Variants in RSBN1L observed in about 807,000 individuals in gnomAD.
The protein encoded by RSBN1L is lysine-specific demethylase RSBN1L.
A neutral mutation model predicts 67.7 loss-of-function variants in RSBN1L; 30 were observed. The ratio of observed to expected loss-of-function variants is 0.44; its 90% CI spans 0.33 to 0.60. RSBN1L has a LOEUF of 0.60. Ranked by LOEUF, RSBN1L falls within the 20% of genes least tolerant of loss-of-function variation. RSBN1L has a pLI of 0.02. For missense variants in RSBN1L, 992 were observed against 1,031.7 expected (o/e 0.96, Z 0.53); for synonymous variants, 433 against 387.0 (o/e 1.12, Z -1.39).
Position 77,779,576 on chromosome 7 carries a change from G to A in RSBN1L, c.*408G>A, listed in dbSNP as rs1356688907. 3 of 151,108 alleles carry A rather than the reference G, an allele frequency of 2.0e-5. No individual in the cohort carries two copies. Among genetic ancestry groups the A allele is most frequent in the African/African-American group, 7.3e-5 (3 of 41,172 alleles). 9.4% of individuals were successfully genotyped at this position (151,108 alleles called of 1,614,324 possible). Reference sequence around the variant, plus strand: ...ATTTTAAATGTGTCAGCACTGTAGTGTAAATAGCTTTTAAATATCTTTTTA... The same window carrying A: ...ATTTTAAATGTGTCAGCACTGTAGTATAAATAGCTTTTAAATATCTTTTTA... On this transcript the variant is annotated 3_prime_UTR_variant, in exon 8 of 8. Coordinates refer to ENST00000334955, the MANE Select transcript of RSBN1L (RefSeq NM_198467.3).
chr7:77,719,123 T>C (rs779985251), intron 1 of RSBN1L, among the ~76,000 whole-genome samples: 1 of 152,218 alleles, frequency 6.6e-6, no homozygotes, highest in Non-Finnish European at 1.5e-5. Context: ...TTTGGAAGTC[T>C]GAACCAATTT....
At chr7:77,701,055 G>A (rs962400702) in intron 1 of RSBN1L, among the ~76,000 whole-genome samples, 5 of 151,346 alleles carry the variant, frequency 3.3e-5, no homozygotes, top group Non-Finnish European at 7.4e-5. Context: ...CTACCTGGGA[G>A]GCTGAGGCAT....
intron 3 of RSBN1L, among the ~76,000 whole-genome samples, chr7:77,760,741 C>G (rs968080770): frequency 6.6e-6 from 1 of 152,128 alleles, no homozygotes; most frequent in Admixed American, 6.5e-5. Flanking sequence ...CAAGCATTCT[C>G]GTGCCTCACT....
Position 77,696,480 on chromosome 7 carries a change from C to G in RSBN1L, c.11C>G (p.Pro4Arg), listed in dbSNP as rs199794430. The G allele has an allele frequency of 2.5e-6, 4 of 1,606,610 alleles. No individual in the cohort carries two copies. The highest frequency in any genetic ancestry group is 1.7e-5 in the Admixed American group (1 of 58,990). The change falls in exon 1 of 8, where the codon CCG becomes CGG. Residue 4 changes from proline to arginine, a missense_variant. This residue lies in a region of RSBN1L where 575 missense variants were observed against 483.2 expected (regional missense o/e 1.19). Coordinates refer to ENST00000334955, the MANE Select transcript of RSBN1L (RefSeq NM_198467.3). The stretch of plus-strand genomic sequence containing the variant: ...CAACAGGAGCGCAAAATGGCGGAAC[C>G]GCCGAGCCCCGTGCACTGTGTCGCT... MAE[P>R]PSPVHCVAAA...
chr7:77,701,546 A>G (rs980039084), intron 1 of RSBN1L, among the ~76,000 whole-genome samples: 2 of 152,064 alleles, frequency 1.3e-5, no homozygotes, highest in Non-Finnish European at 2.9e-5. Flanking sequence ...CTATTCTACT[A>G]TCTGGGGAAT....
chr7:77,734,893 A>G (rs1791313527), intron 1 of RSBN1L, among the ~76,000 whole-genome samples: 1 of 152,168 alleles, frequency 6.6e-6, no homozygotes, highest in African/African-American at 2.4e-5. Flanking sequence ...GGAACACTGT[A>G]ATCTAATTCA....
chr7:77,754,852 G>A (rs1028709159), intron 3 of RSBN1L, among the ~76,000 whole-genome samples: 1 of 152,154 alleles, frequency 6.6e-6, no homozygotes, highest in Non-Finnish European at 1.5e-5. Flanking sequence ...CTGGGCAGCA[G>A]AGTGAGATCC....
chr7:77,707,947 A>G (rs1193159074), intron 1 of RSBN1L, among the ~76,000 whole-genome samples: 2 of 152,234 alleles, frequency 1.3e-5, no homozygotes, highest in Non-Finnish European at 2.9e-5. Context: ...TTAATTAGAT[A>G]TTAGCCTTTC....
chr7:77,697,721 T>C (rs1790758935), intron 1 of RSBN1L, among the ~76,000 whole-genome samples: 1 of 152,216 alleles, frequency 6.6e-6, no homozygotes, highest in South Asian at 2.1e-4. Context: ...ATTCTTTTTT[T>C]CCCTGCAGCA....
rs1003935017 is a variant in RSBN1L at position 77,765,086 on chromosome 7, A to G, written c.1345-409A>G. Among the ~76,000 whole-genome samples, 5 of 152,200 alleles carry G rather than the reference A, an allele frequency of 3.3e-5. 1 individual carries two copies. In the South Asian group the frequency reaches 1.0e-3, roughly 32 times the overall value. Reference sequence around the variant, plus strand: ...ATGGTTAAATGTTTTCAGAGGGTCTAATTTTGAAAATGTTGATGAAAAGAT... The same window carrying G: ...ATGGTTAAATGTTTTCAGAGGGTCTGATTTTGAAAATGTTGATGAAAAGAT... On this transcript the variant is annotated intron_variant, in intron 3 of 7. Coordinates refer to ENST00000334955, the MANE Select transcript of RSBN1L (RefSeq NM_198467.3).
intron 6 of RSBN1L, among the ~76,000 whole-genome samples, chr7:77,776,752 T>C (rs904608313): frequency 6.6e-6 from 1 of 152,176 alleles, no homozygotes; most frequent in Non-Finnish European, 1.5e-5. Context: ...ATTTACATGC[T>C]CTATCTTTTC....
intron 1 of RSBN1L, among the ~76,000 whole-genome samples, chr7:77,735,048 T>C (rs1455950222): frequency 1.3e-5 from 2 of 151,028 alleles, no homozygotes; most frequent in African/African-American, 4.9e-5. Context: ...TGGAGTGTTA[T>C]CACTTGAAAA....
intron 3 of RSBN1L, among the ~76,000 whole-genome samples, chr7:77,753,099 G>T (rs189498439): frequency 4.5e-4 from 69 of 152,244 alleles, no homozygotes; most frequent in Admixed American, 1.4e-3. Flanking sequence ...GGTAGAACAC[G>T]GATGCTATGA....
At chr7:77,702,858 CTTCCTT>C (rs1790836615) in intron 1 of RSBN1L, among the ~76,000 whole-genome samples, 1 of 152,152 alleles carries the variant, frequency 6.6e-6, no homozygotes, top group African/African-American at 2.4e-5. Flanking sequence ...AGAAAAATCT[CTTCCTT>C]TTCTCTTTAT....
intron 1 of RSBN1L, among the ~76,000 whole-genome samples, chr7:77,706,079 TG>T (rs1337942266): frequency 1.3e-5 from 2 of 150,370 alleles, no homozygotes; most frequent in Admixed American, 6.6e-5. Flanking sequence ...TTTTATTTAA[TG>T]TTTTTTTTTT....
intron 1 of RSBN1L, among the ~76,000 whole-genome samples, chr7:77,716,597 A>C (rs955336765): frequency 8.0e-6 from 1 of 124,364 alleles, no homozygotes; most frequent in Non-Finnish European, 1.7e-5. Context: ...TTATCTTTGT[A>C]CTTAAAAGCT....
At chr7:77,735,730 A>T (rs1791325559) in intron 1 of RSBN1L, among the ~76,000 whole-genome samples, 2 of 152,106 alleles carry the variant, frequency 1.3e-5, no homozygotes, top group Non-Finnish European at 2.9e-5. Context: ...TGCTGGGTGC[A>T]TAGGAAGTCA....
intron 2 of RSBN1L, among the ~76,000 whole-genome samples, chr7:77,747,568 G>A (rs952043380): frequency 2.6e-5 from 4 of 152,238 alleles, no homozygotes; most frequent in Non-Finnish European, 5.9e-5. Context: ...GTGGCTCTAT[G>A]TGGTATTAAG....
intron 2 of RSBN1L, among the ~76,000 whole-genome samples, chr7:77,745,914 A>G (rs1260605273): frequency 1.3e-5 from 2 of 152,190 alleles, no homozygotes; most frequent in Non-Finnish European, 2.9e-5. Context: ...GATTCCTCAC[A>G]TGCATGGTTC....
Sources: allele counts gnomAD v4.1 joint callset (sites outside exome capture counted in the v4.1 genomes callset), GRCh38; gene constraint gnomAD v4.1.1; regional missense constraint gnomAD v4.1.1; transcripts MANE v1.5; gene names NCBI Gene and HGNC (gene_info 2026-07-23, HGNC 2026-07-21).